PSME4: variants seen among roughly 807,000 people sequenced by gnomAD.
PSME4 encodes proteasome activator subunit 4.
In PSME4, 89 loss-of-function variants were observed where a neutral mutation model predicts 253.9. That is an observed-to-expected ratio of 0.35 (90% CI 0.30 to 0.42). The LOEUF (loss-of-function observed/expected upper bound fraction) is 0.42, where lower values mean the gene tolerates loss of function less well. Among genes scored for constraint, PSME4 ranks in the 10% least tolerant of loss-of-function variants. The pLI is 1.00. For missense variants in PSME4, 2,014 were observed against 2,195.2 expected (o/e 0.92, Z 1.65); for synonymous variants, 851 against 759.2 (o/e 1.12, Z -1.99).
Position 53,970,730 on chromosome 2 carries a change from G to T in PSME4, c.55C>A (p.Pro19Thr), listed in dbSNP as rs1281926587. ...ACGAAGCCCCGCGGGCCCGGCTCGGGACGCCCGCCCGGCTCCGGGGGCTCT... is the reference window on the plus strand; with the variant it reads ...ACGAAGCCCCGCGGGCCCGGCTCGGTACGCCCGCCCGGCTCCGGGGGCTCT... ...VGEPPEPGGR[P>T]EPGPRGFVPQ... Residue 19 changes from proline (P) to threonine (T), a missense_variant, in exon 1 of 47, where the codon CCC (proline) becomes ACC (threonine). Pro to Thr is a conservative substitution (Grantham distance 38). Transcript: ENST00000404125. 2.6e-6 allele frequency: 4 copies of T among 1,546,886 alleles called. No individual in the cohort carries two copies. The highest frequency in any genetic ancestry group is 2.0e-5 in the Admixed American group (1 of 50,858).
Position 53,937,482 on chromosome 2 carries a change from G to T in PSME4, c.604C>A (p.Pro202Thr). 6.2e-7 allele frequency: 1 copy of T among 1,611,410 alleles called. No homozygotes were observed. Among genetic ancestry groups the T allele is most frequent in the Non-Finnish European group, 8.5e-7 (1 of 1,178,572 alleles). Residue 202 changes from proline (P) to threonine (T), a missense_variant, in exon 5 of 47, where the codon CCT (proline) becomes ACT (threonine). Pro to Thr is a conservative substitution (Grantham distance 38). Coordinates refer to ENST00000404125, the MANE Select transcript of PSME4 (RefSeq NM_014614.3). ...MLEEWRPLMC[P>T]FDVTMQKAIT... ...GCCTTTTGCATGGTTACATCAAAAG[G>T]GCACATTAAAGGTCGCCATTCTTCT...
In PSME4 at chr2:53,869,433, G is replaced by T. The variant is rs751837381; in HGVS notation, c.5206C>A (p.Leu1736Ile). 5 of 1,610,574 alleles carry T rather than the reference G, an allele frequency of 3.1e-6. No homozygotes were observed. In the South Asian group the frequency reaches 3.3e-5, roughly 11 times the overall value. The part of the protein sequence containing the change: ...IHFEQLCKTK[L>I]PKKRKRDPGS... ...GGGTCTCGCTTTCTTTTCTTAGGTA[G>T]TTTTGTTTTGCAAAGTTGCTCAAAA... The change falls in exon 44 of 47, where the codon CTA becomes ATA. Residue 1736 changes from leucine to isoleucine, a missense_variant. Coordinates refer to ENST00000404125, the MANE Select transcript of PSME4 (RefSeq NM_014614.3).
At chr2:53,970,250 T>C (rs535507176) in intron 1 of PSME4, among the ~76,000 whole-genome samples, 16 of 152,208 alleles carry the variant, frequency 1.1e-4, no homozygotes, top group Admixed American at 9.8e-4. Flanking sequence ...GCCGGGGCCC[T>C]TGGGCTACCC....
chr2:53,932,751 T>C lies in PSME4; in HGVS notation c.967A>G (p.Ser323Gly). The C allele has an allele frequency of 6.2e-7, 1 of 1,613,016 alleles. No homozygotes were observed. Among genetic ancestry groups the C allele is most frequent in the Non-Finnish European group, 8.5e-7 (1 of 1,178,968 alleles). The change falls in exon 9 of 47, where the codon AGT becomes GGT. Residue 323 changes from serine (S) to glycine (G), a missense_variant. Transcript: ENST00000404125. The part of the protein sequence containing the change: ...IWITAMMGGP[S>G]KLVQKHLAGL... ...GCTAAGTGTTTTTGCACTAGCTTAC[T>C]TGGTCCACCCTGTCCAGATAAAAGA...
At chr2:53,887,160 ATGTC>A in intron 40 of PSME4, 95 bp downstream of exon 40, 1 of 1,066,220 alleles carries the variant, frequency 9.4e-7, no homozygotes, top group Non-Finnish European at 1.4e-6. Flanking sequence ...ATTTTTCATT[ATGTC>A]TATTTTACCA....
At chr2:53,892,223 T>C (rs1291970024) in intron 36 of PSME4, among the ~76,000 whole-genome samples, 1 of 152,162 alleles carries the variant, frequency 6.6e-6, no homozygotes, top group African/African-American at 2.4e-5. Context: ...TTCGACAAAA[T>C]AGTGGTCTAC....
At chr2:53,963,009 CA>C (rs34743937) in intron 1 of PSME4, among the ~76,000 whole-genome samples, 3,903 of 94,790 alleles carry the variant, frequency 0.041, 38 homozygotes, top group African/African-American at 0.057. Flanking sequence ...GACTCAGTGT[CA>C]AAAAAAAAAA....
At chr2:53,881,536 C>G (rs1212070249) in intron 41 of PSME4, 2 of 152,094 alleles carry the variant, frequency 1.3e-5, no homozygotes, top group South Asian at 2.1e-4. Context: ...AACTCACACT[C>G]TTTATATAGG....
intron 26 of PSME4, among the ~76,000 whole-genome samples, chr2:53,904,715 G>T (rs189785186): frequency 6.6e-6 from 1 of 152,112 alleles, no homozygotes; most frequent in African/African-American, 2.4e-5. Flanking sequence ...TAGGATGGGC[G>T]CAGTGGCTCA....
At chr2:53,923,192 A>T in intron 15 of PSME4, 74 bp from the exon 16 acceptor site, 1 of 1,479,114 alleles carries the variant, frequency 6.8e-7, no homozygotes, top group South Asian at 1.3e-5. Context: ...CAGTGGCAGT[A>T]AAAGGCTGTA....
chr2:53,893,927 A>G (rs988864533), intron 34 of PSME4, 128 bp from the exon 35 acceptor site: 2 of 1,353,014 alleles, frequency 1.5e-6, no homozygotes, highest in Non-Finnish European at 1.9e-6. Context: ...ATGAATTCTT[A>G]GTTCTCATAG....
intron 42 of PSME4, among the ~76,000 whole-genome samples, chr2:53,874,798 A>T (rs1247880261): frequency 6.6e-6 from 1 of 152,184 alleles, no homozygotes; most frequent in African/African-American, 2.4e-5. Flanking sequence ...TACTAAAATT[A>T]GCTGGGTGTG....
Position 53,864,281 on chromosome 2 carries a change from C to T in PSME4, c.*1297G>A, listed in dbSNP as rs773780068. The T allele has an allele frequency of 6.6e-6, 1 of 152,424 alleles. No individual in the cohort carries two copies. Among genetic ancestry groups the T allele is most frequent in the Non-Finnish European group, 1.5e-5 (1 of 68,010 alleles). 9.4% of individuals were successfully genotyped at this position (152,424 alleles called of 1,614,324 possible). ...AAGGAAGACTGTACAGGGTGTGTTGCAAGATGACATTCACCAATTTGTGAA... is the reference window on the plus strand; with the variant it reads ...AAGGAAGACTGTACAGGGTGTGTTGTAAGATGACATTCACCAATTTGTGAA... On this transcript the variant is annotated 3_prime_UTR_variant, in exon 47 of 47. Coordinates refer to ENST00000404125, the MANE Select transcript of PSME4 (RefSeq NM_014614.3).
In PSME4 at chr2:53,874,478, G is replaced by T; in HGVS notation, c.4961C>A (p.Ser1654Tyr). 6.2e-7 allele frequency: 1 copy of T among 1,613,646 alleles called. No individual in the cohort carries two copies. Among genetic ancestry groups the T allele is most frequent in the Non-Finnish European group, 8.5e-7 (1 of 1,179,902 alleles). The part of the protein sequence containing the change: ...QVLKQTARSS[S>Y]WHARYTVLTY... ...CAGTACTGTGTATCGTGCATGCCAAGAACTGCTTCTTGCTGTCTGTGAATG... is the reference window on the plus strand; with the variant it reads ...CAGTACTGTGTATCGTGCATGCCAATAACTGCTTCTTGCTGTCTGTGAATG... The change falls in exon 43 of 47, where the codon TCT (serine) becomes TAT (tyrosine). Residue 1654 changes from serine (S) to tyrosine (Y), a missense_variant. This residue lies in a region of PSME4 where 403 missense variants were observed against 556.1 expected (regional missense o/e 0.72). Transcript: ENST00000404125.
At chr2:53,896,340 TTAAACATTGCATTAAAGGAA>T (rs1202851910) in intron 32 of PSME4, among the ~76,000 whole-genome samples, 1 of 152,210 alleles carries the variant, frequency 6.6e-6, no homozygotes, top group Non-Finnish European at 1.5e-5. Flanking sequence ...CAATCCAGGA[TTAAACATTGCATTAAAGGAA>T]ACTAAAGATA....
rs2104476528 is a variant in PSME4 at position 53,949,276 on chromosome 2, G to T, written c.250C>A (p.Arg84=). ...FWTRKLSTYI[R]LYGRKFSKED... ...TTGCTAAATTTTCTCCCATAAAGTC[G>T]AATATATCTGCAAGAGAAAAATAGA... Residue 84 remains arginine (R), a synonymous_variant, in exon 2 of 47, where the codon CGA becomes AGA. Transcript: ENST00000404125. The T allele has an allele frequency of 6.3e-7, 1 of 1,582,106 alleles. No individual in the cohort carries two copies. The highest frequency in any genetic ancestry group is 1.7e-4 in the Middle Eastern group (1 of 5,994).
In PSME4 at chr2:53,904,074, A is replaced by C; in HGVS notation, c.3026T>G (p.Leu1009Trp). The C allele has an allele frequency of 2.5e-6, 4 of 1,613,906 alleles. No individual in the cohort carries two copies. The highest frequency in any genetic ancestry group is 3.4e-6 in the Non-Finnish European group (4 of 1,179,884). The change falls in exon 27 of 47, where the codon TTG becomes TGG. Residue 1009 changes from leucine (L) to tryptophan (W), a missense_variant. Transcript: ENST00000404125. ...TTGTCTATCAGGCCTTAAGAACTCC[A>C]AAACCAAGGGAATGATATCTCTGCA... The part of the protein sequence containing the change: ...FCCRDIIPLV[L>W]EFLRPDRQGV...
At position 53,903,944 on chromosome 2, in the gene PSME4, A is replaced by G. The variant is rs1374835252; in HGVS notation, c.3075+81T>C. 2.6e-6 allele frequency: 3 copies of G among 1,147,192 alleles called. No individual in the cohort carries two copies. The African/African-American group carries it at 4.7e-5, about 18-fold the overall frequency. 71.1% of individuals were successfully genotyped at this position (1,147,192 alleles called of 1,614,324 possible). A position where few individuals can be genotyped will look rare whatever the true frequency, so the allele number is the denominator to read the frequency against. ...ACAGAATCTCAGTGGTGAAGAAGAT[A>G]TGGATGTTTACCGTAGAATTTTTTC... On this transcript the variant is annotated intron_variant, in intron 27 of 46. Coordinates refer to ENST00000404125, the MANE Select transcript of PSME4 (RefSeq NM_014614.3).
chr2:53,906,254 C>T (rs961255223), intron 26 of PSME4, among the ~76,000 whole-genome samples: 1 of 152,072 alleles, frequency 6.6e-6, no homozygotes, highest in South Asian at 2.1e-4. Flanking sequence ...GATTGAAGTG[C>T]CAGCAATATC....
Sources: allele counts gnomAD v4.1 joint callset (sites outside exome capture counted in the v4.1 genomes callset), GRCh38; gene constraint gnomAD v4.1.1; regional missense constraint gnomAD v4.1.1; transcripts MANE v1.5; gene names NCBI Gene and HGNC (gene_info 2026-07-23, HGNC 2026-07-21).